The following LEO1 variants were observed in gnomAD, a reference collection of about 807,000 sequenced individuals.
LEO1 encodes the protein RNA polymerase-associated protein LEO1.
LEO1 carries 34 observed loss-of-function variants against 80.4 expected under a neutral mutation model. That is an observed-to-expected ratio of 0.42 (90% CI 0.32 to 0.56). The LOEUF (loss-of-function observed/expected upper bound fraction) is 0.56. Among genes scored for constraint, LEO1 ranks in the 20% least tolerant of loss-of-function variants. The probability of loss-of-function intolerance (pLI) is 0.10; values close to 1 mark genes in which losing one functional copy is unlikely to be tolerated. For missense variants in LEO1, 631 were observed against 814.2 expected, an observed-to-expected ratio of 0.77 and a Z score of 2.74; for synonymous variants, 262 against 274.9, an observed-to-expected ratio of 0.95 and a Z score of 0.46.
chr15:51,961,698 C>T (rs2057032406), intron 3 of LEO1, among the ~76,000 whole-genome samples: 1 of 151,970 alleles, frequency 6.6e-6, no homozygotes, highest in South Asian at 2.1e-4. Flanking sequence ...CCAGCCAACA[C>T]TGGGTTTTTA....
chr15:51,968,317 A>C lies in LEO1; in HGVS notation c.59-1813T>G, dbSNP rs989408643. Among the ~76,000 whole-genome samples the C allele has an allele frequency of 2.6e-4, 40 of 151,130 alleles. 1 individual carries two copies. Among genetic ancestry groups the C allele is most frequent in the Admixed American group, 1.6e-3 (24 of 15,152 alleles). ...CAGCACTCTAGGAGCCCAAGGTGGG[A>C]AGATCACCTGAGGTCAGGAGTTCCA... is the stretch of plus-strand genomic sequence containing the variant. On this transcript the variant is annotated intron_variant, in intron 1 of 11. Coordinates refer to ENST00000299601, the MANE Select transcript of LEO1 (RefSeq NM_138792.4).
chr15:51,949,314 G>A (rs1030754289), intron 10 of LEO1, among the ~76,000 whole-genome samples: 1 of 152,174 alleles, frequency 6.6e-6, no homozygotes, highest in Non-Finnish European at 1.5e-5. Context: ...AAAAGCTCAA[G>A]GGATAAAACC....
intron 8 of LEO1, chr15:51,952,293 AAAGTAATTGCGGTTTTTG>A (rs2056955684): frequency 6.0e-6 from 1 of 167,534 alleles, no homozygotes; most frequent in South Asian, 2.0e-4. Context: ...GGTTGGTGCA[AAAGTAATTGCGGTTTTTG>A]CCATTACTTT....
At chr15:51,964,683 A>C (rs1366183238) in intron 2 of LEO1, among the ~76,000 whole-genome samples, 1 of 152,162 alleles carries the variant, frequency 6.6e-6, no homozygotes, top group Non-Finnish European at 1.5e-5. Flanking sequence ...TGGTTTCTGA[A>C]TCCTGTCCTG....
At chr15:51,962,132 C>A (rs2057035806) in intron 3 of LEO1, among the ~76,000 whole-genome samples, 1 of 150,708 alleles carries the variant, frequency 6.6e-6, no homozygotes, top group Admixed American at 6.6e-5. Context: ...CACTGCACTC[C>A]AGCGTGGGTG....
At chr15:51,946,890 AC>A in intron 11 of LEO1, 1 of 163,068 alleles carries the variant, frequency 6.1e-6, no homozygotes, top group East Asian at 1.9e-4. Context: ...GAGAAGTTTT[AC>A]AAAAAGGAGA....
At chr15:51,971,360 T>G (rs978845484) in intron 1 of LEO1, among the ~76,000 whole-genome samples, 1 of 152,212 alleles carries the variant, frequency 6.6e-6, no homozygotes, top group Non-Finnish European at 1.5e-5. Flanking sequence ...CGCTGGCCTG[T>G]GCAAGGCAAG....
intron 1 of LEO1, among the ~76,000 whole-genome samples, chr15:51,967,271 G>A (rs1380861806): frequency 2.6e-5 from 4 of 152,150 alleles, no homozygotes; most frequent in South Asian, 4.1e-4. Context: ...TCAGGAGTTC[G>A]AGACCAGGCT....
intron 8 of LEO1, 173 bp from the exon 9 acceptor site, chr15:51,952,152 C>T: frequency 2.0e-6 from 1 of 499,876 alleles, no homozygotes. Flanking sequence ...TTTCTTCATT[C>T]TGTGGCTCAC....
At chr15:51,947,946 A>G (rs948714844) in intron 10 of LEO1, among the ~76,000 whole-genome samples, 2 of 152,234 alleles carry the variant, frequency 1.3e-5, no homozygotes, top group African/African-American at 4.8e-5. Context: ...GTTTGTGTGC[A>G]AGGTGTCTAA....
intron 11 of LEO1, among the ~76,000 whole-genome samples, chr15:51,941,878 C>G (rs2056855863): frequency 6.6e-6 from 1 of 152,164 alleles, no homozygotes; most frequent in Non-Finnish European, 1.5e-5. Flanking sequence ...CTCCATTGAT[C>G]AGATGAGGAA....
intron 11 of LEO1, among the ~76,000 whole-genome samples, chr15:51,945,021 C>G (rs1215718266): frequency 1.3e-5 from 2 of 152,108 alleles, no homozygotes. Context: ...CAGGCACAAT[C>G]AACATACTCT....
At chr15:51,970,560 G>A (rs923729708) in intron 1 of LEO1, among the ~76,000 whole-genome samples, 1 of 152,180 alleles carries the variant, frequency 6.6e-6, no homozygotes, top group Admixed American at 6.5e-5. Context: ...ACAATGCCTT[G>A]AAGACATTAT....
At chr15:51,949,279 C>T (rs1023373285) in intron 10 of LEO1, among the ~76,000 whole-genome samples, 2 of 152,162 alleles carry the variant, frequency 1.3e-5, no homozygotes, top group African/African-American at 4.8e-5. Context: ...TCCAGTATAA[C>T]TGGCAAATTC....
intron 2 of LEO1, among the ~76,000 whole-genome samples, 166 bp downstream of exon 2, chr15:51,965,583 G>C (rs1345417618): frequency 1.3e-5 from 2 of 152,172 alleles, no homozygotes; most frequent in Non-Finnish European, 2.9e-5. Context: ...AAGTGGATTA[G>C]AAAGATTTAA....
intron 11 of LEO1, among the ~76,000 whole-genome samples, chr15:51,939,078 G>A (rs931840688): frequency 1.3e-5 from 2 of 152,166 alleles, no homozygotes; most frequent in South Asian, 2.1e-4. Flanking sequence ...CCAGCTACTC[G>A]AGAGACTGAG....
At chr15:51,970,791 G>C (rs980739599) in intron 1 of LEO1, among the ~76,000 whole-genome samples, 2 of 152,122 alleles carry the variant, frequency 1.3e-5, no homozygotes, top group African/African-American at 4.8e-5. Context: ...AGCCTAGAGG[G>C]TTGCAAGAAT....
At position 51,962,426 on chromosome 15, in the gene LEO1, A is replaced by C; in HGVS notation, c.882T>G (p.Ser294=). 6.2e-7 allele frequency: 1 copy of C among 1,613,740 alleles called. No individual in the cohort carries two copies. The highest frequency in any genetic ancestry group is 8.5e-7 in the Non-Finnish European group (1 of 1,179,788). Residue 294 remains serine (S), a synonymous_variant, in exon 3 of 12, where the codon TCT becomes TCG. Transcript: ENST00000299601. ...LRMKRKNAIA[S]DSEADSDTEV... Reference sequence around the variant, plus strand: ...CAGTGTCACTATCCGCTTCTGAATCAGATGCAATCGCATTCTTGCGTTTCA... The same window carrying C: ...CAGTGTCACTATCCGCTTCTGAATCCGATGCAATCGCATTCTTGCGTTTCA...
Position 51,971,753 on chromosome 15 carries a change from C to T in LEO1, c.-8G>A. On this transcript the variant is annotated 5_prime_UTR_variant, in exon 1 of 12. Transcript: ENST00000299601. ...ATCCTCCATATCCGCCATTATCGCT[C>T]ACGTCCGCTGCTGCCTCGGTTAGGG... 6.2e-7 allele frequency: 1 copy of T among 1,614,170 alleles called. No homozygotes were observed. Among genetic ancestry groups the T allele is most frequent in the East Asian group, 2.2e-5 (1 of 44,886 alleles).
Sources: gnomAD v4.1 joint callset for allele counts (sites outside exome capture counted in the v4.1 genomes callset) on GRCh38, gnomAD v4.1.1 for gene constraint, MANE v1.5 for transcripts, NCBI Gene and HGNC (gene_info 2026-07-23, HGNC 2026-07-21) for gene names.